Variants in RAB3C observed in about 807,000 individuals in gnomAD.
RAB3C encodes the protein ras-related protein Rab-3C.
Under a neutral mutation model 26.4 loss-of-function variants are expected in RAB3C, and 17 were observed. The observed-to-expected ratio is 0.64, with a 90% CI of 0.44 to 0.97. RAB3C has a LOEUF of 0.97. Among genes scored for constraint, RAB3C ranks in the 50% least tolerant of loss-of-function variants. The pLI is 0.00. For synonymous variants in RAB3C, 91 were observed against 95.9 expected (o/e 0.95, Z 0.30); for missense variants, 242 against 281.9 (o/e 0.86, Z 1.01).
At chr5:58,845,086 T>G (rs906600727) in intron 4 of RAB3C, among the ~76,000 whole-genome samples, 1 of 152,184 alleles carries the variant, frequency 6.6e-6, no homozygotes, top group South Asian at 2.1e-4. Flanking sequence ...TGCAGTCACA[T>G]GTGGAATGGA....
chr5:58,681,614 G>T (rs1579854745), intron 2 of RAB3C, among the ~76,000 whole-genome samples: 2 of 152,182 alleles, frequency 1.3e-5, no homozygotes, highest in South Asian at 2.1e-4. Context: ...AGTATGAACT[G>T]CCTTGAGCCA....
intron 3 of RAB3C, among the ~76,000 whole-genome samples, chr5:58,762,270 C>T (rs1741810512): frequency 6.6e-6 from 1 of 152,140 alleles, no homozygotes; most frequent in Non-Finnish European, 1.5e-5. Context: ...TGAAGGTGAC[C>T]ATATTGGACA....
chr5:58,609,787 A>G (rs1196836317), intron 1 of RAB3C, among the ~76,000 whole-genome samples: 1 of 152,224 alleles, frequency 6.6e-6, no homozygotes, highest in Admixed American at 6.5e-5. Flanking sequence ...AAGAAAAAAG[A>G]TAAATAAAAT....
intron 3 of RAB3C, among the ~76,000 whole-genome samples, chr5:58,777,826 T>C (rs968705267): frequency 2.6e-5 from 4 of 151,804 alleles, no homozygotes; most frequent in Admixed American, 2.0e-4. Context: ...TTCCCACCTC[T>C]AAGTGAGAAC....
chr5:58,823,246 C>T, intron 3 of RAB3C: 1 of 256,144 alleles, frequency 3.9e-6, no homozygotes, highest in Non-Finnish European at 7.8e-6. Flanking sequence ...CTCATATTGG[C>T]TGGGCACGGT....
Position 58,856,224 on chromosome 5 carries a change from G to A in RAB3C, c.*4873G>A, listed in dbSNP as rs942479976. 3 of 151,616 alleles carry A rather than the reference G, an allele frequency of 2.0e-5. No individual in the cohort carries two copies. The highest frequency in any genetic ancestry group is 1.9e-4 in the East Asian group (1 of 5,160). The allele number at this position is 151,616 out of a possible 1,614,324, so 9.4% of individuals were successfully genotyped here. ...AAAATCGGTTCTTCACACTGATTTC[G>A]TTTGATTAGTCTGTGCATGTAATTA... On this transcript the variant is annotated 3_prime_UTR_variant, in exon 5 of 5. Coordinates refer to ENST00000282878, the MANE Select transcript of RAB3C (RefSeq NM_138453.4).
At chr5:58,739,719 A>G (rs1254294211) in intron 3 of RAB3C, among the ~76,000 whole-genome samples, 3 of 152,240 alleles carry the variant, frequency 2.0e-5, no homozygotes, top group Admixed American at 6.5e-5. Context: ...GATAAAAATT[A>G]TAGTGTAAGT....
At chr5:58,597,642 C>T (rs1197040657) in intron 1 of RAB3C, among the ~76,000 whole-genome samples, 1 of 127,824 alleles carries the variant, frequency 7.8e-6, no homozygotes, top group South Asian at 2.5e-4. Flanking sequence ...AAGCATATAA[C>T]AATATATAGT....
intron 2 of RAB3C, among the ~76,000 whole-genome samples, chr5:58,724,311 T>C (rs887686001): frequency 6.6e-6 from 1 of 151,828 alleles, no homozygotes. Flanking sequence ...AGAGGTTCAG[T>C]AACTTGGCCA....
intron 2 of RAB3C, among the ~76,000 whole-genome samples, chr5:58,716,943 C>T (rs927984412): frequency 2.6e-5 from 4 of 151,896 alleles, no homozygotes; most frequent in African/African-American, 9.7e-5. Context: ...ATGAGGGAAC[C>T]CTAATGTAAA....
intron 2 of RAB3C, among the ~76,000 whole-genome samples, chr5:58,624,896 A>C (rs1003960721): frequency 2.0e-5 from 3 of 152,126 alleles, no homozygotes; most frequent in Non-Finnish European, 2.9e-5. Context: ...AAACAAAAAA[A>C]ACCCCCAATC....
chr5:58,643,883 G>T (rs956933016), intron 2 of RAB3C, among the ~76,000 whole-genome samples: 3 of 152,196 alleles, frequency 2.0e-5, no homozygotes, highest in Non-Finnish European at 2.9e-5. Context: ...GTGCAGGGGT[G>T]TGATCTCAGC....
chr5:58,710,756 A>G (rs1749041191), intron 2 of RAB3C, among the ~76,000 whole-genome samples: 1 of 152,008 alleles, frequency 6.6e-6, no homozygotes, highest in African/African-American at 2.4e-5. Flanking sequence ...CCTGTTTCAT[A>G]TCTGTTGCAC....
chr5:58,606,877 A>T (rs1383606948), intron 1 of RAB3C, among the ~76,000 whole-genome samples: 1 of 152,214 alleles, frequency 6.6e-6, no homozygotes, highest in Non-Finnish European at 1.5e-5. Flanking sequence ...GACATCAACA[A>T]AAAGGACATC....
chr5:58,706,569 C>G (rs778242136), intron 2 of RAB3C, among the ~76,000 whole-genome samples: 4 of 152,144 alleles, frequency 2.6e-5, no homozygotes, highest in Non-Finnish European at 5.9e-5. Context: ...TATCTTTCCA[C>G]AGACTTGCAG....
chr5:58,621,007 A>G (rs531017359), intron 2 of RAB3C, among the ~76,000 whole-genome samples: 36 of 152,224 alleles, frequency 2.4e-4, no homozygotes, highest in African/African-American at 8.7e-4. Context: ...TTGTTTAACA[A>G]CTCTCACAAA....
intron 1 of RAB3C, among the ~76,000 whole-genome samples, chr5:58,613,249 C>T (rs1018445799): frequency 6.6e-6 from 1 of 152,086 alleles, no homozygotes; most frequent in Non-Finnish European, 1.5e-5. Flanking sequence ...CTACCTGGAG[C>T]AACAACACAG....
chr5:58,814,173 G>A (rs1379750456), intron 3 of RAB3C, among the ~76,000 whole-genome samples: 1 of 152,136 alleles, frequency 6.6e-6, no homozygotes, highest in Non-Finnish European at 1.5e-5. Flanking sequence ...GCCCGAGCGA[G>A]TTTTCTTCTT....
intron 2 of RAB3C, among the ~76,000 whole-genome samples, chr5:58,687,793 C>T (rs1232183616): frequency 6.6e-6 from 1 of 152,064 alleles, no homozygotes; most frequent in East Asian, 1.9e-4. Flanking sequence ...AATAATATGA[C>T]TCAGCATTTA....
Sources: allele counts gnomAD v4.1 joint callset (sites outside exome capture counted in the v4.1 genomes callset), GRCh38; gene constraint gnomAD v4.1.1; transcripts MANE v1.5; gene names NCBI Gene and HGNC (gene_info 2026-07-23, HGNC 2026-07-21).